The following RSRC1 variants were observed in gnomAD, a reference collection of about 807,000 sequenced individuals.
RSRC1 encodes serine/Arginine-related protein 53.
Under a neutral mutation model 49.1 loss-of-function variants are expected in RSRC1, and 39 were observed. The observed-to-expected ratio is 0.79, with a 90% confidence interval of 0.61 to 1.04. RSRC1 has a LOEUF of 1.04. Among genes scored for constraint, RSRC1 ranks in the 50% least tolerant of loss-of-function variants. The probability of loss-of-function intolerance (pLI) is 0.00; values close to 1 mark genes in which losing one functional copy is unlikely to be tolerated. For synonymous variants in RSRC1, 143 were observed against 130.8 expected, an observed-to-expected ratio of 1.09 and a Z score of -0.63; for missense variants, 388 against 402.4, an observed-to-expected ratio of 0.96 and a Z score of 0.31.
chr3:158,254,008 G>GT (rs1724382729), intron 4 of RSRC1, among the ~76,000 whole-genome samples: 2 of 152,116 alleles, frequency 1.3e-5, no homozygotes, highest in African/African-American at 4.8e-5. Flanking sequence ...AAGTGAGAAC[G>GT]TGCAGTGTTT....
chr3:158,242,031 C>CT (rs1723618557), intron 4 of RSRC1, among the ~76,000 whole-genome samples: 3 of 77,486 alleles, frequency 3.9e-5, no homozygotes, highest in Non-Finnish European at 7.5e-5. Context: ...TAATTTCCAA[C>CT]CTTTTTTTTT....
intron 6 of RSRC1, among the ~76,000 whole-genome samples, chr3:158,396,345 G>GT (rs1208935843): frequency 2.7e-5 from 4 of 149,134 alleles, no homozygotes; most frequent in South Asian, 2.1e-4. Context: ...TAAAATAAAA[G>GT]TTTTTTTAAA....
chr3:158,321,299 C>G (rs1728745970), intron 5 of RSRC1, among the ~76,000 whole-genome samples: 1 of 151,366 alleles, frequency 6.6e-6, no homozygotes, highest in Non-Finnish European at 1.5e-5. Flanking sequence ...TCCTCCTCCT[C>G]TTCTTCCTCT....
chr3:158,147,254 T>C (rs1371764587), intron 3 of RSRC1, among the ~76,000 whole-genome samples: 1 of 152,014 alleles, frequency 6.6e-6, no homozygotes, highest in Admixed American at 6.6e-5. Context: ...TTTTTTTCCA[T>C]GTGTGAGACA....
intron 7 of RSRC1, among the ~76,000 whole-genome samples, chr3:158,474,157 G>A (rs1738269071): frequency 6.6e-6 from 1 of 152,034 alleles, no homozygotes; most frequent in African/African-American, 2.4e-5. Context: ...GCCAAATCTG[G>A]CTTCATGATG....
At chr3:158,330,847 C>T (rs1433762438) in intron 5 of RSRC1, among the ~76,000 whole-genome samples, 5 of 150,956 alleles carry the variant, frequency 3.3e-5, no homozygotes, top group Non-Finnish European at 7.4e-5. Context: ...AGTCTGTTCT[C>T]ATGCTGCTAA....
intron 4 of RSRC1, among the ~76,000 whole-genome samples, chr3:158,283,881 C>CTTT (rs11339826): frequency 6.8e-6 from 1 of 147,942 alleles, no homozygotes; most frequent in Non-Finnish European, 1.5e-5. Flanking sequence ...CATTTGTTTT[C>CTTT]TTTTTTTTTT....
At chr3:158,437,309 GA>G (rs1736100864) in intron 6 of RSRC1, among the ~76,000 whole-genome samples, 1 of 152,012 alleles carries the variant, frequency 6.6e-6, no homozygotes, top group Non-Finnish European at 1.5e-5. Flanking sequence ...TTCTAAAATT[GA>G]AAATGGTTTA....
At chr3:158,342,681 A>G (rs1337342851) in intron 5 of RSRC1, among the ~76,000 whole-genome samples, 1 of 152,236 alleles carries the variant, frequency 6.6e-6, no homozygotes, top group East Asian at 1.9e-4. Flanking sequence ...GATTCTTGTT[A>G]GTATTAAAAG....
chr3:158,484,976 A>G (rs936131045), intron 7 of RSRC1, among the ~76,000 whole-genome samples: 10 of 152,138 alleles, frequency 6.6e-5, no homozygotes, highest in Non-Finnish European at 1.3e-4. Flanking sequence ...TATGAAAGCT[A>G]AATATTTAAC....
chr3:158,173,949 T>TG (rs1719036944), intron 3 of RSRC1, among the ~76,000 whole-genome samples: 1 of 151,218 alleles, frequency 6.6e-6, no homozygotes, highest in African/African-American at 2.4e-5. Context: ...AGGGTTGGGG[T>TG]GGGGGGTGGA....
At chr3:158,349,136 A>C (rs1259546749) in intron 5 of RSRC1, among the ~76,000 whole-genome samples, 1 of 151,970 alleles carries the variant, frequency 6.6e-6, no homozygotes, top group African/African-American at 2.4e-5. Flanking sequence ...TTTCTTTGAG[A>C]TATCTCCTAC....
intron 7 of RSRC1, among the ~76,000 whole-genome samples, chr3:158,512,805 T>C (rs1470336256): frequency 2.0e-5 from 3 of 151,564 alleles, no homozygotes; most frequent in Non-Finnish European, 2.9e-5. Context: ...CAGTGGTTTG[T>C]AGTTCTCCTT....
rs73164081 is a variant in RSRC1, at chr3:158,141,233, G to A, written c.320+17242G>A. On this transcript the variant is annotated intron_variant, in intron 3 of 9. Transcript: ENST00000611884. ...TATTCCATGCTTTATCCAAAGGATGGAGAAAATTCCAGTTTTTTTGGATCA... is the reference window on the plus strand; with the variant it reads ...TATTCCATGCTTTATCCAAAGGATGAAGAAAATTCCAGTTTTTTTGGATCA... Among the ~76,000 whole-genome samples the A allele has an allele frequency of 2.8e-3, 432 of 152,278 alleles. 1 individual carries two copies. Among genetic ancestry groups the A allele is most frequent in the Non-Finnish European group, 4.5e-3 (306 of 67,998 alleles).
chr3:158,474,848 CCTGTGATGCT>C (rs1738296782), intron 7 of RSRC1, among the ~76,000 whole-genome samples: 1 of 152,122 alleles, frequency 6.6e-6, no homozygotes, highest in South Asian at 2.1e-4. Context: ...ACCAAATCTC[CCTGTGATGCT>C]CTATTCTAGT....
At chr3:158,192,412 CAT>C (rs747981902) in intron 3 of RSRC1, among the ~76,000 whole-genome samples, 59 of 151,990 alleles carry the variant, frequency 3.9e-4, no homozygotes, top group Middle Eastern at 3.2e-3. Context: ...AAATGGCAGG[CAT>C]ATGTTTTCTA....
chr3:158,119,490 GTTAT>G (rs1349843108), intron 1 of RSRC1, among the ~76,000 whole-genome samples: 1 of 151,938 alleles, frequency 6.6e-6, no homozygotes, highest in African/African-American at 2.4e-5. Context: ...AATTTAAATG[GTTAT>G]TTGTTTGTGA....
intron 6 of RSRC1, among the ~76,000 whole-genome samples, chr3:158,405,988 G>T (rs1225345889): frequency 1.3e-5 from 2 of 151,892 alleles, no homozygotes; most frequent in Non-Finnish European, 2.9e-5. Context: ...ATGTCAATAA[G>T]CTTATAAATA....
chr3:158,408,790 A>AGG (rs1196462550), intron 6 of RSRC1, among the ~76,000 whole-genome samples: 1 of 151,972 alleles, frequency 6.6e-6, no homozygotes, highest in Non-Finnish European at 1.5e-5. Flanking sequence ...CCAGCACTTT[A>AGG]GGAGACCAAG....
Sources: allele counts gnomAD v4.1 joint callset (sites outside exome capture counted in the v4.1 genomes callset), GRCh38; gene constraint gnomAD v4.1.1; transcripts MANE v1.5; gene names NCBI Gene and HGNC (gene_info 2026-07-23, HGNC 2026-07-21).